Variants in ZNF423 observed in about 807,000 individuals in gnomAD.
ZNF423 encodes the protein zinc finger protein 423, also known as Ebf-associated zinc finger protein.
A neutral mutation model predicts 95.8 loss-of-function variants in ZNF423; 12 were observed. The ratio of observed to expected loss-of-function variants is 0.13; its 90% confidence interval spans 0.08 to 0.20. ZNF423 has a LOEUF of 0.20. Among genes scored for constraint, ZNF423 ranks in the 10% least tolerant of loss-of-function variants. The probability of loss-of-function intolerance (pLI) is 1.00; values close to 1 mark genes in which losing one functional copy is unlikely to be tolerated. For synonymous variants in ZNF423, 749 were observed against 711.9 expected (o/e 1.05, Z -0.83); for missense variants, 1,316 against 1,737.1 (o/e 0.76, Z 4.31).
In ZNF423 at chr16:49,721,172, C is replaced by G. The variant is rs1398729452; in HGVS notation, c.301+9599G>C. Among the ~76,000 whole-genome samples, 8 of 152,256 alleles carry G rather than the reference C, an allele frequency of 5.3e-5. No individual in the cohort carries two copies. The East Asian group carries it at 1.4e-3, about 26-fold the overall frequency. ...ATCTGCATTTCTCAGTTCCTGGAGCCAATGAATCCTCTATTTTCTGCTTGT... is the reference window on the plus strand; with the variant it reads ...ATCTGCATTTCTCAGTTCCTGGAGCGAATGAATCCTCTATTTTCTGCTTGT... On this transcript the variant is annotated intron_variant, in intron 3 of 7. Coordinates refer to ENST00000563137, the MANE Select transcript of ZNF423 (RefSeq NM_001379286.1).
intron 3 of ZNF423, among the ~76,000 whole-genome samples, chr16:49,728,510 G>A (rs1567314896): frequency 6.6e-6 from 1 of 152,166 alleles, no homozygotes. Context: ...GATACCACCA[G>A]CATCAATAAG....
At chr16:49,703,022 A>C (rs1369661706) in intron 3 of ZNF423, among the ~76,000 whole-genome samples, 3 of 152,202 alleles carry the variant, frequency 2.0e-5, no homozygotes, top group Non-Finnish European at 4.4e-5. Flanking sequence ...GTAATTTGAT[A>C]AATGTGTACA....
chr16:49,499,599 G>A (rs899928628), intron 7 of ZNF423, among the ~76,000 whole-genome samples: 17 of 152,218 alleles, frequency 1.1e-4, no homozygotes, highest in African/African-American at 4.1e-4. Flanking sequence ...GGTTTTCCGT[G>A]TTCTTGAGAT....
At chr16:49,745,232 AT>A (rs1167175558) in intron 2 of ZNF423, among the ~76,000 whole-genome samples, 2 of 152,162 alleles carry the variant, frequency 1.3e-5, no homozygotes, top group Non-Finnish European at 2.9e-5. Flanking sequence ...AGCTTTTATA[AT>A]TTTTTTAGGT....
chr16:49,564,424 C>G (rs1448746628), intron 5 of ZNF423, among the ~76,000 whole-genome samples: 2 of 152,182 alleles, frequency 1.3e-5, no homozygotes, highest in Admixed American at 1.3e-4. Flanking sequence ...GAAGGAACCC[C>G]TTCTGTGGCC....
chr16:49,515,732 G>A (rs1438952907), intron 7 of ZNF423, among the ~76,000 whole-genome samples: 1 of 152,218 alleles, frequency 6.6e-6, no homozygotes, highest in Non-Finnish European at 1.5e-5. Context: ...TGGCTGGTAA[G>A]CCGCATATGA....
At chr16:49,621,718 A>G (rs1030726509) in intron 5 of ZNF423, among the ~76,000 whole-genome samples, 1 of 152,174 alleles carries the variant, frequency 6.6e-6, no homozygotes, top group Non-Finnish European at 1.5e-5. Flanking sequence ...AGGAGAAGCC[A>G]TCCACTGGGA....
chr16:49,515,798 T>G (rs1186169116), intron 7 of ZNF423, among the ~76,000 whole-genome samples: 2 of 152,102 alleles, frequency 1.3e-5, no homozygotes, highest in African/African-American at 4.8e-5. Flanking sequence ...GCAAGGCTCT[T>G]AGGATGGGGA....
intron 5 of ZNF423, among the ~76,000 whole-genome samples, chr16:49,593,853 T>G (rs572625016): frequency 6.6e-6 from 1 of 152,220 alleles, no homozygotes; most frequent in South Asian, 2.1e-4. Flanking sequence ...AACACACTAC[T>G]GAAGAGAAGA....
At chr16:49,553,646 C>A (rs4785320) in intron 5 of ZNF423, among the ~76,000 whole-genome samples, 15,086 of 151,402 alleles carry the variant, frequency 0.1, 943 homozygotes, top group African/African-American at 0.17. Context: ...CGAGCCTGGC[C>A]TATTTTTATT....
chr16:49,508,513 T>TAAAAAAAAAAAAAAAAAAAAAAAAAAAAA (rs35061120), intron 7 of ZNF423, among the ~76,000 whole-genome samples: 1 of 101,896 alleles, frequency 9.8e-6, no homozygotes, highest in Non-Finnish European at 1.9e-5. Context: ...TTCTCTTTCT[T>TAAAAAAAAAAAAAAAAAAAAAAAAAAAAA]AAAAAAAAAA....
In ZNF423 at chr16:49,488,790, CA is replaced by C. The variant is rs1322144178; in HGVS notation, c.*2484del. The C allele has an allele frequency of 6.6e-6, 1 of 152,248 alleles. No homozygotes were observed. Among genetic ancestry groups the C allele is most frequent in the East Asian group, 1.9e-4 (1 of 5,186 alleles). 9.4% of individuals were successfully genotyped at this position (152,248 alleles called of 1,614,324 possible). A position where few individuals can be genotyped will look rare whatever the true frequency, so the allele number is the denominator to read the frequency against. On this transcript the variant is annotated 3_prime_UTR_variant, in exon 8 of 8. Transcript: ENST00000563137. The stretch of plus-strand genomic sequence containing the variant: ...CTACACTGCTCCCCAACCCTAATAC[CA>C]CCTGATGGTAAAGAATGCCAGTCCC...
chr16:49,564,440 T>G (rs955557177), intron 5 of ZNF423, among the ~76,000 whole-genome samples: 3 of 151,958 alleles, frequency 2.0e-5, no homozygotes, highest in Non-Finnish European at 4.4e-5. Flanking sequence ...TGGCCTTGAG[T>G]CAGACTCAGG....
At chr16:49,806,153 G>A (rs766266122) in intron 1 of ZNF423, among the ~76,000 whole-genome samples, 4 of 152,218 alleles carry the variant, frequency 2.6e-5, no homozygotes, top group Admixed American at 1.3e-4. Flanking sequence ...ATCCTGTTTC[G>A]GGGGCAACAC....
rs144208295 is a variant in ZNF423, at chr16:49,829,927, C to T, written c.40+25808G>A. Among the ~76,000 whole-genome samples, 490 of 152,316 alleles carry T rather than the reference C, an allele frequency of 3.2e-3. 2 individuals are homozygous for T. Among genetic ancestry groups the T allele is most frequent in the African/African-American group, 0.01 (417 of 41,582 alleles). On this transcript the variant is annotated intron_variant, in intron 1 of 7. Coordinates refer to ENST00000563137, the MANE Select transcript of ZNF423 (RefSeq NM_001379286.1). ...ACTACATGCCAGGCACTGTGAATCCCTTCTCCATCCCACTAACCCTTTCTC... is the reference window on the plus strand; with the variant it reads ...ACTACATGCCAGGCACTGTGAATCCTTTCTCCATCCCACTAACCCTTTCTC...
chr16:49,792,142 T>G (rs1021066764), intron 1 of ZNF423, among the ~76,000 whole-genome samples: 10 of 152,116 alleles, frequency 6.6e-5, no homozygotes, highest in African/African-American at 2.4e-4. Context: ...TTTAGTCATC[T>G]GCAGGTATCA....
At chr16:49,669,959 G>A (rs1008955867) in intron 3 of ZNF423, among the ~76,000 whole-genome samples, 6 of 152,344 alleles carry the variant, frequency 3.9e-5, no homozygotes, top group Admixed American at 1.3e-4. Context: ...TGCCACACAC[G>A]GGATTATTGA....
At chr16:49,614,025 G>A (rs1457164382) in intron 5 of ZNF423, among the ~76,000 whole-genome samples, 1 of 152,154 alleles carries the variant, frequency 6.6e-6, no homozygotes, top group African/African-American at 2.4e-5. Flanking sequence ...GCTCCAGACT[G>A]GGAAAAATAT....
At position 49,843,638 on chromosome 16, in the gene ZNF423, G is replaced by A. The variant is rs188577674; in HGVS notation, c.40+12097C>T. Among the ~76,000 whole-genome samples, 533 of 152,334 alleles carry A rather than the reference G, an allele frequency of 3.5e-3. 2 individuals carry two copies. Among genetic ancestry groups the A allele is most frequent in the African/African-American group, 0.012 (508 of 41,570 alleles). ...GAAGGAACTGTCTTGCCCAAAGTCA[G>A]AGTATGTTTCCTCCAACCCCCTCCC... On this transcript the variant is annotated intron_variant, in intron 1 of 7. Coordinates refer to ENST00000563137, the MANE Select transcript of ZNF423 (RefSeq NM_001379286.1).
Sources: allele counts gnomAD v4.1 joint callset (sites outside exome capture counted in the v4.1 genomes callset), GRCh38; gene constraint gnomAD v4.1.1; transcripts MANE v1.5; gene names NCBI Gene and HGNC (gene_info 2026-07-23, HGNC 2026-07-21).